ILDR1: variants seen among roughly 807,000 people sequenced by gnomAD.
ILDR1 encodes immunoglobulin-like domain-containing receptor 1.
Under a neutral mutation model 62.4 loss-of-function variants are expected in ILDR1, and 56 were observed. That is an observed-to-expected ratio of 0.90 (90% confidence interval 0.72 to 1.12). The LOEUF (loss-of-function observed/expected upper bound fraction) is 1.12, where lower values mean the gene tolerates loss of function less well. Ranked by LOEUF, ILDR1 falls within the 50% of genes most tolerant of loss-of-function variation. ILDR1 has a pLI of 0.00. For missense variants in ILDR1, 736 were observed against 710.6 expected, an observed-to-expected ratio of 1.04 and a Z score of -0.41; for synonymous variants, 284 against 277.8, an observed-to-expected ratio of 1.02 and a Z score of -0.22.
At chr3:122,039,200 C>T in the ILDR1 span, among the ~76,000 whole-genome samples, 2 of 151,568 alleles carry the variant, frequency 1.3e-5, no homozygotes, top group Non-Finnish European at 2.9e-5. Context: ...GAAATAATAA[C>T]CAAGAATTTG....
At chr3:121,989,345 G>C (rs1559867609) in intron 7 of ILDR1, among the ~76,000 whole-genome samples, 1 of 152,176 alleles carries the variant, frequency 6.6e-6, no homozygotes, top group Admixed American at 6.5e-5. Flanking sequence ...TCAAGGAGTA[G>C]ACATTTTGTT....
intron 1 of ILDR1, among the ~76,000 whole-genome samples, chr3:122,009,027 G>A (rs1023716590): frequency 6.6e-6 from 1 of 151,512 alleles, no homozygotes; most frequent in African/African-American, 2.4e-5. Context: ...TTGACCTCCT[G>A]GGTTCAAGTG....
chr3:122,030,623 T>TCTCTC, the ILDR1 span, among the ~76,000 whole-genome samples: 1,706 of 147,626 alleles, frequency 0.012, 21 homozygotes, highest in South Asian at 0.028. Flanking sequence ...GCAAGGGTTT[T>TCTCTC]TCTCTCTCTC....
At chr3:122,051,211 A>G in the ILDR1 span, among the ~76,000 whole-genome samples, 1 of 152,190 alleles carries the variant, frequency 6.6e-6, no homozygotes, top group Admixed American at 6.5e-5. Flanking sequence ...ATTTCTTTAA[A>G]TGAGCTCTCC....
chr3:122,050,943 C>T, the ILDR1 span, among the ~76,000 whole-genome samples: 9 of 152,196 alleles, frequency 5.9e-5, no homozygotes, highest in African/African-American at 7.2e-5. Flanking sequence ...TCTTTCAGCA[C>T]TTTTAATACC....
chr3:122,000,786 G>C (rs1313787884), intron 5 of ILDR1, among the ~76,000 whole-genome samples: 1 of 152,200 alleles, frequency 6.6e-6, no homozygotes, highest in African/African-American at 2.4e-5. Flanking sequence ...CAGGTAAATA[G>C]CATCAGAATT....
the ILDR1 span, among the ~76,000 whole-genome samples, chr3:122,033,927 T>C: frequency 2.6e-4 from 40 of 152,326 alleles, no homozygotes; most frequent in African/African-American, 8.7e-4. Flanking sequence ...TCCTTCCACC[T>C]CATTTTTCTT....
chr3:122,051,109 C>T, the ILDR1 span, among the ~76,000 whole-genome samples: 7 of 152,146 alleles, frequency 4.6e-5, no homozygotes, highest in Non-Finnish European at 5.9e-5. Context: ...GCTTCAGTGT[C>T]TATTTGTTTG....
the ILDR1 span, among the ~76,000 whole-genome samples, chr3:122,041,026 C>T: frequency 5.9e-5 from 9 of 152,134 alleles, no homozygotes; most frequent in Non-Finnish European, 1.3e-4. Context: ...TTTTAAAAAA[C>T]TGTTATCCGA....
At position 121,988,101 on chromosome 3, in the gene ILDR1, C is replaced by CG. The variant is rs371813355; in HGVS notation, c.*265dup. 1.8e-3 allele frequency: 955 copies of CG among 527,646 alleles called. 9 individuals are homozygous for CG. The highest frequency in any genetic ancestry group is 0.017 in the African/African-American group (869 of 52,278). 32.7% of individuals were successfully genotyped at this position (527,646 alleles called of 1,614,324 possible). On this transcript the variant is annotated 3_prime_UTR_variant, in exon 8 of 8. Coordinates refer to ENST00000344209, the MANE Select transcript of ILDR1 (RefSeq NM_001199799.2). ...CTAATTTTTATATTTTTTGTAGAGA[C>CG]GGGGTCTCACTATGTTTCCCAGGCT...
chr3:122,007,895 G>T (rs543246945), intron 1 of ILDR1, among the ~76,000 whole-genome samples: 5 of 152,256 alleles, frequency 3.3e-5, no homozygotes, highest in African/African-American at 1.2e-4. Flanking sequence ...TGGGAGAGGG[G>T]CCTCCCTATT....
chr3:122,028,481 CAA>C, the ILDR1 span, among the ~76,000 whole-genome samples: 83 of 151,950 alleles, frequency 5.5e-4, no homozygotes, highest in African/African-American at 1.9e-3. Flanking sequence ...GTTCTATAAC[CAA>C]AAGACTACAT....
Position 122,022,018 on chromosome 3 carries a change from A to G in ILDR1, c.58+2T>C. 2.5e-6 allele frequency: 4 copies of G among 1,610,292 alleles called. No homozygotes were observed. Among genetic ancestry groups the G allele is most frequent in the Non-Finnish European group, 3.4e-6 (4 of 1,178,390 alleles). ...GGTGGGTACCATTTTTCCAAGGCTC[A>G]CCTGCTGGGAGCCAGGTGCAGAGCA... On this transcript the variant is annotated splice_donor_variant, in intron 1 of 7. Coordinates refer to ENST00000344209, the MANE Select transcript of ILDR1 (RefSeq NM_001199799.2). LOFTEE classifies it high-confidence loss of function.
At chr3:122,020,684 T>A (rs1442814306) in intron 1 of ILDR1, among the ~76,000 whole-genome samples, 1 of 152,210 alleles carries the variant, frequency 6.6e-6, no homozygotes, top group African/African-American at 2.4e-5. Flanking sequence ...GAGAGAAGAC[T>A]GTGCAAAGCT....
At chr3:122,016,561 G>A (rs2107677108) in intron 1 of ILDR1, among the ~76,000 whole-genome samples, 3 of 152,356 alleles carry the variant, frequency 2.0e-5, no homozygotes, top group South Asian at 4.1e-4. Context: ...CAAGAAAGAA[G>A]GGTGTGTGTT....
intron 1 of ILDR1, 82 bp from the exon 2 acceptor site, chr3:122,007,243 T>G: frequency 6.3e-7 from 1 of 1,597,762 alleles, no homozygotes; most frequent in Non-Finnish European, 8.5e-7. Context: ...GGGCAAAAGA[T>G]ATTGCCTGCC....
intron 3 of ILDR1, among the ~76,000 whole-genome samples, chr3:122,003,860 TA>T (rs773003696): frequency 6.6e-6 from 1 of 152,146 alleles, no homozygotes; most frequent in Non-Finnish European, 1.5e-5. Flanking sequence ...GGTAATTTGC[TA>T]ATTAAAGAGG....
At chr3:122,014,659 C>A (rs1210238811) in intron 1 of ILDR1, among the ~76,000 whole-genome samples, 1 of 152,198 alleles carries the variant, frequency 6.6e-6, no homozygotes, top group Non-Finnish European at 1.5e-5. Context: ...TAAACCTTTT[C>A]TATTCGAATA....
the ILDR1 span, among the ~76,000 whole-genome samples, chr3:122,028,751 T>C: frequency 6.6e-5 from 10 of 152,128 alleles, no homozygotes; most frequent in Admixed American, 6.5e-4. Flanking sequence ...ATCAAATTGG[T>C]TAAAATGTGA....
Sources: allele counts gnomAD v4.1 joint callset (sites outside exome capture counted in the v4.1 genomes callset), GRCh38; gene constraint gnomAD v4.1.1; transcripts MANE v1.5; gene names NCBI Gene and HGNC (gene_info 2026-07-23, HGNC 2026-07-21).